Variants in PDZD9 observed in about 807,000 individuals in gnomAD.
PDZD9 encodes the protein PDZ domain containing 9.
PDZD9 carries 13 observed loss-of-function variants against 16.3 expected under a neutral mutation model. The ratio of observed to expected loss-of-function variants is 0.80; its 90% CI spans 0.52 to 1.27. The LOEUF (loss-of-function observed/expected upper bound fraction) is 1.27. Ranked by LOEUF, PDZD9 falls within the 50% of genes most tolerant of loss-of-function variation. The pLI, the probability that PDZD9 is intolerant of heterozygous loss-of-function variation, is 0.00. For missense variants in PDZD9, 288 were observed against 310.9 expected (o/e 0.93, Z 0.55); for synonymous variants, 120 against 111.0 (o/e 1.08, Z -0.51).
At chr16:22,000,914 A>G (rs538419629) in intron 1 of PDZD9, 103 bp downstream of exon 1, 75 of 1,153,434 alleles carry the variant, frequency 6.5e-5, no homozygotes, top group Non-Finnish European at 8.7e-5. Flanking sequence ...GAGAGAGGTT[A>G]TCTCCCAGGC....
chr16:21,980,445 C>G, downstream of PDZD9: 1 of 1,227,324 alleles, frequency 8.1e-7, no homozygotes, highest in Non-Finnish European at 1.1e-6. Flanking sequence ...GTTACTCTAT[C>G]CATTAAATAA....
the PDZD9 span, chr16:21,968,532 A>G: frequency 6.5e-3 from 7,313 of 1,121,772 alleles, 369 homozygotes; most frequent in African/African-American, 0.1. Context: ...ATAAGGCCTT[A>G]TAAGTATTTA....
the PDZD9 span, chr16:21,968,724 T>G: frequency 1.3e-6 from 2 of 1,569,130 alleles, no homozygotes; most frequent in Non-Finnish European, 1.7e-6. Flanking sequence ...GTTTGCTTCC[T>G]TAAGAGCAGT....
intron 2 of PDZD9, among the ~76,000 whole-genome samples, chr16:21,992,498 C>T (rs889312499): frequency 1.1e-4 from 16 of 152,136 alleles, no homozygotes; most frequent in African/African-American, 3.4e-4. Flanking sequence ...ACCCAACCCT[C>T]AATCTGGGTA....
chr16:21,988,025 T>TTA (rs1221193220), intron 3 of PDZD9, among the ~76,000 whole-genome samples: 4 of 150,218 alleles, frequency 2.7e-5, no homozygotes, highest in Non-Finnish European at 4.4e-5. Flanking sequence ...TTTTTTTTTT[T>TTA]TGAGACAAAG....
chr16:21,973,820 T>C, the PDZD9 span: 3 of 1,416,112 alleles, frequency 2.1e-6, no homozygotes, highest in South Asian at 3.7e-5. Context: ...CCAAGTTTTT[T>C]CTAGGCAAAC....
intron 2 of PDZD9, among the ~76,000 whole-genome samples, chr16:21,993,431 G>A (rs1359179935): frequency 1.3e-5 from 2 of 152,118 alleles, no homozygotes; most frequent in Non-Finnish European, 2.9e-5. Flanking sequence ...ACTCTCCACC[G>A]GCCGCCGTTT....
At chr16:21,968,802 TCAGA>T in the PDZD9 span, 9 of 776,662 alleles carry the variant, frequency 1.2e-5, no homozygotes, top group Middle Eastern at 2.1e-3. Flanking sequence ...TCTATTTATG[TCAGA>T]CAGGCAATAT....
intron 1 of PDZD9, among the ~76,000 whole-genome samples, chr16:21,998,098 C>T (rs1899195290): frequency 6.6e-6 from 1 of 152,222 alleles, no homozygotes; most frequent in African/African-American, 2.4e-5. Flanking sequence ...AGAGACCTTT[C>T]AGGGTTCTGG....
chr16:21,986,564 C>G (rs1898881912), intron 3 of PDZD9, among the ~76,000 whole-genome samples: 1 of 152,042 alleles, frequency 6.6e-6, no homozygotes, highest in Non-Finnish European at 1.5e-5. Context: ...GCCTGAGTGA[C>G]AGAGTGAGAC....
At chr16:21,971,612 A>G in the PDZD9 span, 2 of 1,613,944 alleles carry the variant, frequency 1.2e-6, no homozygotes, top group Non-Finnish European at 8.5e-7. Context: ...AAGGCCAACT[A>G]CCGTGGAGGT....
At chr16:21,976,378 AT>A in the PDZD9 span, 3 of 710,028 alleles carry the variant, frequency 4.2e-6, no homozygotes, top group Non-Finnish European at 7.0e-6. Flanking sequence ...AAACATACCC[AT>A]ATCCTACCAC....
At chr16:21,973,709 C>T in the PDZD9 span, among the ~76,000 whole-genome samples, 4 of 152,054 alleles carry the variant, frequency 2.6e-5, no homozygotes, top group Non-Finnish European at 5.9e-5. Flanking sequence ...AAAACAAAGC[C>T]GTGATAGTTC....
chr16:22,001,102 A>G lies in PDZD9; in HGVS notation c.-55T>C. The G allele has an allele frequency of 6.9e-7, 1 of 1,456,316 alleles. No individual in the cohort carries two copies. Among genetic ancestry groups the G allele is most frequent in the Non-Finnish European group, 9.1e-7 (1 of 1,098,744 alleles). The allele number at this position is 1,456,316 out of a possible 1,614,324, so 90.2% of individuals were successfully genotyped here. A position where few individuals can be genotyped will look rare whatever the true frequency, so the allele number is the denominator to read the frequency against. The stretch of plus-strand genomic sequence containing the variant: ...GCCTCCCGGAGCAGAGGCTGGAGTC[A>G]GTCCCAATGCCAACAGTTTCGAACC... On this transcript the variant is annotated 5_prime_UTR_variant, in exon 1 of 4. Transcript: ENST00000424898.
At chr16:21,988,230 G>A (rs964275124) in intron 3 of PDZD9, among the ~76,000 whole-genome samples, 32 of 151,808 alleles carry the variant, frequency 2.1e-4, no homozygotes, top group Middle Eastern at 3.4e-3. Context: ...GGATGGTCTC[G>A]ATTTCGTGAC....
downstream of PDZD9, chr16:21,983,333 A>G (rs113204411): frequency 3.4e-6 from 2 of 586,618 alleles, no homozygotes; most frequent in Non-Finnish European, 5.8e-6. Context: ...AAAGTCAATA[A>G]AACATTCTGT....
the PDZD9 span, among the ~76,000 whole-genome samples, chr16:21,973,642 T>A: frequency 2.0e-5 from 3 of 152,156 alleles, no homozygotes. Flanking sequence ...TAAAGCAGGT[T>A]AGAAAATACC....
intron 2 of PDZD9, 132 bp from the exon 3 acceptor site, chr16:21,988,923 T>A: frequency 6.1e-6 from 4 of 655,798 alleles, no homozygotes; most frequent in African/African-American, 1.9e-5. Flanking sequence ...AAACCAGGCT[T>A]CAGCCTTTTT....
chr16:21,993,351 G>GA (rs1318260762), intron 2 of PDZD9, among the ~76,000 whole-genome samples: 1 of 152,122 alleles, frequency 6.6e-6, no homozygotes, highest in Middle Eastern at 3.2e-3. Context: ...ACCTGACCTT[G>GA]AAGAAGCTGA....
Sources: allele counts gnomAD v4.1 joint callset (sites outside exome capture counted in the v4.1 genomes callset), GRCh38; gene constraint gnomAD v4.1.1; transcripts MANE v1.5; gene names NCBI Gene and HGNC (gene_info 2026-07-23, HGNC 2026-07-21).